Variants in COL4A1 observed in about 807,000 individuals in gnomAD.
COL4A1 encodes the protein collagen type IV alpha 1 chain.
Under a neutral mutation model 216.6 loss-of-function variants are expected in COL4A1, and 40 were observed. The observed-to-expected ratio is 0.18, with a 90% CI of 0.14 to 0.24. The LOEUF is 0.24. COL4A1 is among the 10% of genes least tolerant of loss of function. COL4A1 has a pLI of 1.00. For missense variants in COL4A1, 1,628 were observed against 2,196.8 expected (o/e 0.74, Z 5.18); for synonymous variants, 839 against 810.7 (o/e 1.03, Z -0.59).
intron 18 of COL4A1, among the ~76,000 whole-genome samples, chr13:110,201,949 T>A (rs1468583572): frequency 6.6e-6 from 1 of 152,140 alleles, no homozygotes. Flanking sequence ...ACCACTGCAC[T>A]CCGGCCTGGG....
At chr13:110,280,463 A>G (rs1883587071) in intron 1 of COL4A1, among the ~76,000 whole-genome samples, 2 of 152,276 alleles carry the variant, frequency 1.3e-5, no homozygotes, top group African/African-American at 4.8e-5. Context: ...CCATTATGCC[A>G]TTGAAAACGA....
intron 1 of COL4A1, chr13:110,265,497 G>A (rs1566429245): frequency 1.3e-5 from 2 of 152,248 alleles, no homozygotes; most frequent in Admixed American, 6.5e-5. Context: ...GCTTTCACCA[G>A]GCTTCACAGC....
intron 51 of COL4A1, 85 bp downstream of exon 51, chr13:110,152,249 T>C: frequency 6.3e-7 from 1 of 1,575,438 alleles, no homozygotes; most frequent in Non-Finnish European, 8.6e-7. Flanking sequence ...GACTTTGCAT[T>C]GGAAGGTGTT....
chr13:110,212,361 A>G, intron 6 of COL4A1, 56 bp downstream of exon 6: 1 of 1,599,750 alleles, frequency 6.3e-7, no homozygotes, highest in Non-Finnish European at 8.6e-7. Context: ...TGACTCCTTA[A>G]TATGCAAAAA....
chr13:110,235,205 A>G (rs1307342717), intron 2 of COL4A1, among the ~76,000 whole-genome samples: 2 of 152,174 alleles, frequency 1.3e-5, no homozygotes, highest in Admixed American at 6.5e-5. Context: ...GAACTTATCC[A>G]AAGTTTCAAA....
chr13:110,250,295 T>C (rs1217674620), intron 1 of COL4A1, among the ~76,000 whole-genome samples: 1 of 152,140 alleles, frequency 6.6e-6, no homozygotes, highest in Non-Finnish European at 1.5e-5. Flanking sequence ...CTAAGATTTG[T>C]ACATGTGAGG....
At chr13:110,241,853 G>T (rs1462374792) in intron 2 of COL4A1, among the ~76,000 whole-genome samples, 1 of 152,186 alleles carries the variant, frequency 6.6e-6, no homozygotes, top group African/African-American at 2.4e-5. Context: ...GAATTCACAC[G>T]CTAGCCAGAA....
rs778280159 is a variant in COL4A1 at position 110,183,283 on chromosome 13, G to T, written c.1898-7C>A. 3.1e-6 allele frequency: 5 copies of T among 1,611,226 alleles called. No homozygotes were observed. The Admixed American group carries it at 6.7e-5, about 22-fold the overall frequency. On this transcript the variant is annotated splice_region_variant and splice_polypyrimidine_tract_variant and intron_variant, in intron 26 of 51. Transcript: ENST00000375820. ...CCTGGTTCACCCTTTGGACCTAGAG[G>T]AAAAAAAGAGCAAAGACAAACGATG... is the stretch of plus-strand genomic sequence containing the variant.
At chr13:110,163,353 G>T in intron 47 of COL4A1, 110 bp downstream of exon 47, 1 of 880,474 alleles carries the variant, frequency 1.1e-6, no homozygotes, top group Non-Finnish European at 1.9e-6. Flanking sequence ...TCGGAAATCT[G>T]TCAAGTGATA....
In COL4A1 at chr13:110,211,565, A is replaced by T; in HGVS notation, c.468+82T>A. 1 of 1,384,728 alleles carries T rather than the reference A, an allele frequency of 7.2e-7. No homozygotes were observed. Among genetic ancestry groups the T allele is most frequent in the Non-Finnish European group, 1.0e-6 (1 of 994,808 alleles). 85.8% of individuals were successfully genotyped at this position (1,384,728 alleles called of 1,614,324 possible). On this transcript the variant is annotated intron_variant, in intron 8 of 51. Coordinates refer to ENST00000375820, the MANE Select transcript of COL4A1 (RefSeq NM_001845.6). The surrounding 1 kb of genome is among the most constrained non-coding windows in gnomAD (Gnocchi z 4.3). The stretch of plus-strand genomic sequence containing the variant: ...AACAATCGATCAGCCAAAGTGGTTT[A>T]AAGAGAATGTGCTTCTATGGCACTT...
At chr13:110,253,036 CATATAACTATA>C (rs1478545099) in intron 1 of COL4A1, among the ~76,000 whole-genome samples, 3,419 of 72,686 alleles carry the variant, frequency 0.047, 1,321 homozygotes, top group Non-Finnish European at 0.067. Flanking sequence ...ATTACATATA[CATATAACTATA>C]AGTACGTATG....
intron 2 of COL4A1, among the ~76,000 whole-genome samples, chr13:110,222,497 G>A (rs938865587): frequency 5.9e-5 from 8 of 136,678 alleles, no homozygotes; most frequent in African/African-American, 5.0e-5. Context: ...TTTCAGGCCG[G>A]GCGCGGTGGC....
rs1055402026 is a variant in COL4A1, at chr13:110,177,903, C to T, written c.2655G>A (p.Gly885=). The change falls in exon 33 of 52, where the codon GGG becomes GGA. Residue 885 remains glycine (G), a synonymous_variant. Transcript: ENST00000375820. ...PGSKGEMGVM[G]TPGQPGSPGP... ...CTGGTGAGCCCGGCTGCCCGGGGGTCCCCATGACGCCCATTTCTCCCTTGG... is the reference window on the plus strand; with the variant it reads ...CTGGTGAGCCCGGCTGCCCGGGGGTTCCCATGACGCCCATTTCTCCCTTGG... 1.2e-6 allele frequency: 2 copies of T among 1,614,018 alleles called. No individual in the cohort carries two copies. The highest frequency in any genetic ancestry group is 2.7e-5 in the African/African-American group (2 of 74,912).
chr13:110,222,207 C>A (rs1880516265), intron 2 of COL4A1, among the ~76,000 whole-genome samples: 1 of 151,956 alleles, frequency 6.6e-6, no homozygotes, highest in African/African-American at 2.4e-5. Flanking sequence ...CCCTCCCCGG[C>A]GGGCCCTGGC....
chr13:110,230,537 G>A (rs550110283), intron 2 of COL4A1, among the ~76,000 whole-genome samples: 5 of 64,706 alleles, frequency 7.7e-5, no homozygotes, highest in South Asian at 9.3e-4. Context: ...GGTAAAGGGG[G>A]CGAGTGAGGT....
intron 2 of COL4A1, among the ~76,000 whole-genome samples, chr13:110,215,115 G>C (rs912007544): frequency 6.6e-5 from 10 of 152,300 alleles, no homozygotes; most frequent in African/African-American, 2.2e-4. Context: ...GAGATTCTGT[G>C]ATGGAGCCTC....
chr13:110,163,974 T>TTC lies in COL4A1; in HGVS notation c.4151-415_4151-414dup, dbSNP rs1209401983. ...TACATAGCTTGTTCTTCTTCTTTCT[T>TTC]TCTCTCTCTCTTTTTTTTTTTTTTT... On this transcript the variant is annotated intron_variant, in intron 46 of 51. Coordinates refer to ENST00000375820, the MANE Select transcript of COL4A1 (RefSeq NM_001845.6). 6.4e-5 allele frequency among the ~76,000 whole-genome samples: 9 copies of TTC among 139,616 alleles called. No homozygotes were observed. In the South Asian group the frequency reaches 7.1e-4, roughly 11 times the overall value. 91.6% of individuals were successfully genotyped at this position (139,616 alleles called of 152,430 possible). A position where few individuals can be genotyped will look rare whatever the true frequency, so the allele number is the denominator to read the frequency against.
At position 110,211,913 on chromosome 13, in the gene COL4A1, C is replaced by G; in HGVS notation, c.397G>C (p.Gly133Arg). Residue 133 changes from glycine to arginine, a missense_variant, in exon 7 of 52, where the codon GGG becomes CGG. Physicochemically the swap from Gly to Arg is moderately radical, Grantham distance 125. Around this residue, in one of 8 missense-constraint regions of COL4A1, gnomAD observed 150 missense variants for 211.9 expected, o/e 0.71. Transcript: ENST00000375820. This position sits in a 1 kb window ranked among gnomAD's most constrained non-coding sequence, Gnocchi z 4.3. ...GGCAAGCCAGGAGGCCCGAGCGGCC[C>G]TCTCTCCCCCTGGGGAGACAGCAGA... ...PGCNGTKGER[G>R]PLGPPGLPGF... 6.2e-7 allele frequency: 1 copy of G among 1,614,054 alleles called. No individual in the cohort carries two copies. The highest frequency in any genetic ancestry group is 8.5e-7 in the Non-Finnish European group (1 of 1,179,936).
intron 17 of COL4A1, among the ~76,000 whole-genome samples, chr13:110,204,702 A>G (rs955087928): frequency 6.6e-6 from 1 of 151,032 alleles, no homozygotes; most frequent in African/African-American, 2.4e-5. Context: ...GTCTGGCAGA[A>G]GGACTTTCTG....
Sources: allele counts gnomAD v4.1 joint callset (sites outside exome capture counted in the v4.1 genomes callset), GRCh38; gene constraint gnomAD v4.1.1; regional missense constraint gnomAD v4.1.1; non-coding constraint Gnocchi (gnomAD v3.1); transcripts MANE v1.5; gene names NCBI Gene and HGNC (gene_info 2026-07-23, HGNC 2026-07-21).